PEX7: variants seen among roughly 807,000 people sequenced by gnomAD.
The protein encoded by PEX7 is peroxisomal biogenesis factor 7, also known as PTS2 receptor.
A neutral mutation model predicts 47.5 loss-of-function variants in PEX7; 34 were observed. The ratio of observed to expected loss-of-function variants is 0.72; its 90% CI spans 0.54 to 0.95. The LOEUF (loss-of-function observed/expected upper bound fraction) is 0.95, where lower values mean the gene tolerates loss of function less well. PEX7 is among the 40% of genes least tolerant of loss of function. The pLI, the probability that PEX7 is intolerant of heterozygous loss-of-function variation, is 0.00. For missense variants in PEX7, 394 were observed against 400.3 expected (o/e 0.98, Z 0.13); for synonymous variants, 141 against 148.8 (o/e 0.95, Z 0.38).
At chr6:136,825,118 G>T (rs1211459040) in intron 1 of PEX7, 96 bp from the exon 2 acceptor site, 4 of 987,194 alleles carry the variant, frequency 4.1e-6, no homozygotes, top group Non-Finnish European at 6.5e-6. Context: ...AAAATTTGTG[G>T]TATTAAAATC....
At chr6:136,834,102 T>C (rs554806494) in intron 3 of PEX7, among the ~76,000 whole-genome samples, 1 of 152,378 alleles carries the variant, frequency 6.6e-6, no homozygotes, top group South Asian at 2.1e-4. Flanking sequence ...AACCAGGGAC[T>C]GCCACAGAAG....
intron 8 of PEX7, among the ~76,000 whole-genome samples, chr6:136,891,301 C>T (rs1193496369): frequency 1.3e-5 from 2 of 152,036 alleles, no homozygotes; most frequent in Non-Finnish European, 2.9e-5. Context: ...TTAGAGTTTT[C>T]GATGAAATAT....
intron 5 of PEX7, among the ~76,000 whole-genome samples, chr6:136,865,725 C>G (rs1775056516): frequency 6.6e-6 from 1 of 152,180 alleles, no homozygotes; most frequent in Non-Finnish European, 1.5e-5. Context: ...TTGCAATGAG[C>G]TGAGACCGTG....
At chr6:136,855,614 A>G (rs755163153) in intron 5 of PEX7, 33 of 220,756 alleles carry the variant, frequency 1.5e-4, no homozygotes, top group Middle Eastern at 1.8e-3. Context: ...TGCTGGGAGT[A>G]TAGGCATGAG....
intron 8 of PEX7, among the ~76,000 whole-genome samples, chr6:136,889,738 A>G (rs1582772335): frequency 6.6e-6 from 1 of 152,230 alleles, no homozygotes; most frequent in Admixed American, 6.5e-5. Context: ...GACAAAATAA[A>G]TGAGCTCCAT....
intron 5 of PEX7, among the ~76,000 whole-genome samples, chr6:136,861,153 T>C (rs1321475): frequency 0.64 from 97,286 of 152,016 alleles, 31,273 homozygotes; most frequent in African/African-American, 0.7. Context: ...GGCACAGTCT[T>C]GGCTCATTGT....
intron 8 of PEX7, among the ~76,000 whole-genome samples, chr6:136,894,459 G>T (rs879487579): frequency 6.6e-6 from 1 of 152,122 alleles, no homozygotes; most frequent in Non-Finnish European, 1.5e-5. Flanking sequence ...GCGTAGTGGC[G>T]TGCGCCTGTA....
At chr6:136,911,607 A>G (rs1286865844) in intron 9 of PEX7, among the ~76,000 whole-genome samples, 1 of 152,008 alleles carries the variant, frequency 6.6e-6, no homozygotes, top group African/African-American at 2.4e-5. Flanking sequence ...GGGTTTCACC[A>G]TGGTGCCCAG....
rs759532460 is a variant in PEX7 at position 136,846,077 on chromosome 6, A to C, written c.422A>C (p.Asp141Ala). Reference sequence around the variant, plus strand: ...GATCTATTCATTTATTTGTAGTGGGATCCAACTGTTGGAAAGTCTCTGTGC... The same window carrying C: ...GATCTATTCATTTATTTGTAGTGGGCTCCAACTGTTGGAAAGTCTCTGTGC... ...GSWDQTVKLW[D>A]PTVGKSLCTF... Residue 141 changes from aspartate to alanine, a missense_variant, in exon 5 of 10, where the codon GAT becomes GCT. Transcript: ENST00000318471. 1 of 1,601,200 alleles carries C rather than the reference A, an allele frequency of 6.2e-7. No individual in the cohort carries two copies. Among genetic ancestry groups the C allele is most frequent in the South Asian group, 1.1e-5 (1 of 90,716 alleles).
At chr6:136,839,078 G>A (rs983042154) in intron 3 of PEX7, among the ~76,000 whole-genome samples, 1 of 152,088 alleles carries the variant, frequency 6.6e-6, no homozygotes, top group Admixed American at 6.6e-5. Flanking sequence ...CTACCCGGGA[G>A]GTTGAGGTGG....
intron 5 of PEX7, among the ~76,000 whole-genome samples, chr6:136,849,925 G>A (rs571341866): frequency 5.9e-5 from 9 of 152,114 alleles, no homozygotes; most frequent in East Asian, 3.9e-4. Context: ...TTTCTGTCTC[G>A]TTGATCTGTC....
Position 136,822,646 on chromosome 6 carries a change from G to T in PEX7, c.-20G>T. 1 of 1,525,558 alleles carries T rather than the reference G, an allele frequency of 6.6e-7. No individual in the cohort carries two copies. The highest frequency in any genetic ancestry group is 8.8e-7 in the Non-Finnish European group (1 of 1,141,542). The allele number at this position is 1,525,558 out of a possible 1,614,324, so 94.5% of individuals were successfully genotyped here. A position where few individuals can be genotyped will look rare whatever the true frequency, so the allele number is the denominator to read the frequency against. On this transcript the variant is annotated 5_prime_UTR_variant, in exon 1 of 10. Transcript: ENST00000318471. Reference sequence around the variant, plus strand: ...CGGCTTCCGCGGCCGGGGCAGCGAGGGCCGGGGGCGGCGGGCGGGATGAGT... The same window carrying T: ...CGGCTTCCGCGGCCGGGGCAGCGAGTGCCGGGGGCGGCGGGCGGGATGAGT...
chr6:136,834,325 T>A (rs1205119580), intron 3 of PEX7, among the ~76,000 whole-genome samples: 1 of 152,220 alleles, frequency 6.6e-6, no homozygotes, highest in East Asian at 1.9e-4. Flanking sequence ...CGAGCAATCC[T>A]CCTGCTTCAG....
At position 136,893,278 on chromosome 6, in the gene PEX7, G is replaced by C. The variant is rs568040850; in HGVS notation, c.804-4864G>C. ...TTGACCTGGCCCTGCTTACGTCCTG[G>C]AACATTCTTCCCTTTCCCTGCGCCA... On this transcript the variant is annotated intron_variant, in intron 8 of 9. Transcript: ENST00000318471. Among the ~76,000 whole-genome samples, 8 of 151,994 alleles carry C rather than the reference G, an allele frequency of 5.3e-5. 1 individual carries two copies. The South Asian group carries it at 1.7e-3, about 32-fold the overall frequency.
At chr6:136,837,222 G>A (rs1774403159) in intron 3 of PEX7, among the ~76,000 whole-genome samples, 1 of 151,610 alleles carries the variant, frequency 6.6e-6, no homozygotes, top group Non-Finnish European at 1.5e-5. Context: ...AAATTAGCCG[G>A]GTGTGGTGGC....
intron 9 of PEX7, chr6:136,901,428 T>C: frequency 6.6e-6 from 1 of 152,266 alleles, no homozygotes; most frequent in Non-Finnish European, 1.5e-5. Flanking sequence ...CCCATGTGGT[T>C]CCAGCCATCT....
chr6:136,834,182 A>G (rs866649177), intron 3 of PEX7, among the ~76,000 whole-genome samples: 2 of 152,098 alleles, frequency 1.3e-5, no homozygotes, highest in African/African-American at 4.8e-5. Context: ...CCTAAGGGAA[A>G]GGGACATTTT....
intron 9 of PEX7, among the ~76,000 whole-genome samples, chr6:136,905,878 A>T (rs1422303412): frequency 1.3e-5 from 2 of 152,200 alleles, no homozygotes; most frequent in African/African-American, 2.4e-5. Context: ...GAGATCTGGG[A>T]AGTAATCCTA....
At chr6:136,867,794 AC>A (rs1306749775) in intron 6 of PEX7, among the ~76,000 whole-genome samples, 11 of 151,746 alleles carry the variant, frequency 7.2e-5, no homozygotes, top group East Asian at 5.8e-4. Flanking sequence ...AACAACAACA[AC>A]AACAAAAAAC....
Sources: gnomAD v4.1 joint callset for allele counts (sites outside exome capture counted in the v4.1 genomes callset) on GRCh38, gnomAD v4.1.1 for gene constraint, MANE v1.5 for transcripts, NCBI Gene and HGNC (gene_info 2026-07-23, HGNC 2026-07-21) for gene names.